ABHD2: variants seen among roughly 807,000 people sequenced by gnomAD.
The protein encoded by ABHD2 is monoacylglycerol lipase ABHD2.
Under a neutral mutation model 48.1 loss-of-function variants are expected in ABHD2, and 20 were observed. That is an observed-to-expected ratio of 0.42 (90% CI 0.29 to 0.60). ABHD2 has a LOEUF of 0.60. ABHD2 is among the 20% of genes least tolerant of loss of function. The probability of loss-of-function intolerance (pLI) is 0.24; values close to 1 mark genes in which losing one functional copy is unlikely to be tolerated. For synonymous variants in ABHD2, 209 were observed against 214.2 expected (o/e 0.98, Z 0.21); for missense variants, 405 against 550.9 (o/e 0.74, Z 2.65).
At chr15:89,072,066 A>AT in the ABHD2 span, among the ~76,000 whole-genome samples, 2 of 152,220 alleles carry the variant, frequency 1.3e-5, no homozygotes, top group Middle Eastern at 3.4e-3. Context: ...TCACACTTTT[A>AT]TTTTTTTCCT....
intron 5 of ABHD2, among the ~76,000 whole-genome samples, chr15:89,170,327 A>C (rs932683690): frequency 2.0e-5 from 3 of 150,922 alleles, no homozygotes; most frequent in Non-Finnish European, 4.4e-5. Context: ...GAACTCCTGA[A>C]CTCAAATGAT....
chr15:89,063,231 G>C, the ABHD2 span, among the ~76,000 whole-genome samples: 11 of 151,342 alleles, frequency 7.3e-5, no homozygotes, highest in Admixed American at 7.2e-4. Context: ...GCCTCCTAAA[G>C]TGTTGGGATT....
Position 89,195,557 on chromosome 15 carries a change from C to A in ABHD2, c.*134C>A. The A allele has an allele frequency of 1.1e-6, 1 of 928,472 alleles. No homozygotes were observed. The highest frequency in any genetic ancestry group is 1.6e-6 in the Non-Finnish European group (1 of 639,662). 57.5% of individuals were successfully genotyped at this position (928,472 alleles called of 1,614,324 possible). ...CCATCAGCAGGGGGCACCCACCATG[C>A]ACACCTGTCTCGGAGTAGGCAGCTC... On this transcript the variant is annotated 3_prime_UTR_variant, in exon 11 of 11. Transcript: ENST00000352732. This position sits in a 1 kb window ranked among gnomAD's most constrained non-coding sequence, Gnocchi z 5.1.
intron 1 of ABHD2, among the ~76,000 whole-genome samples, chr15:89,101,261 G>A (rs2049696391): frequency 6.6e-6 from 1 of 152,182 alleles, no homozygotes; most frequent in Admixed American, 6.5e-5. Flanking sequence ...AAAGAAATAT[G>A]CCTTGGGACA....
the ABHD2 span, among the ~76,000 whole-genome samples, chr15:89,056,227 C>T: frequency 5.9e-5 from 9 of 152,128 alleles, no homozygotes; most frequent in South Asian, 4.1e-4. Context: ...TGTAACTATT[C>T]GTATCTTCCT....
chr15:89,185,375 G>A lies in ABHD2; in HGVS notation c.723-49G>A, dbSNP rs775442672. The A allele has an allele frequency of 3.3e-6, 5 of 1,535,722 alleles. No homozygotes were observed. The highest frequency in any genetic ancestry group is 1.7e-4 in the Middle Eastern group (1 of 5,850). ...GGCTAGAGCCCCCTCCTGGCTGCCCGCCTGCACCCCCACACCGCAGTCACC... is the reference window on the plus strand; with the variant it reads ...GGCTAGAGCCCCCTCCTGGCTGCCCACCTGCACCCCCACACCGCAGTCACC... On this transcript the variant is annotated intron_variant, in intron 6 of 10. Transcript: ENST00000352732. This position sits in a 1 kb window ranked among gnomAD's most constrained non-coding sequence, Gnocchi z 5.9.
chr15:89,110,281 T>C (rs1257707994), intron 1 of ABHD2, among the ~76,000 whole-genome samples: 1 of 152,160 alleles, frequency 6.6e-6, no homozygotes, highest in Non-Finnish European at 1.5e-5. Flanking sequence ...AGGCTCATCT[T>C]GAACTCCTGG....
the ABHD2 span, among the ~76,000 whole-genome samples, chr15:89,072,270 T>G: frequency 1.3e-5 from 2 of 151,956 alleles, no homozygotes; most frequent in African/African-American, 2.4e-5. Flanking sequence ...GAGGTCAGGA[T>G]TTTGAGACCA....
In ABHD2 at chr15:89,116,639, C is replaced by T. The variant is rs1446530072; in HGVS notation, c.194+118C>T. Reference sequence around the variant, plus strand: ...AAGGCATCAATGGGATATGACGTCACTGGTGTTAAAATAGCCACAGTCTGA... The same window carrying T: ...AAGGCATCAATGGGATATGACGTCATTGGTGTTAAAATAGCCACAGTCTGA... On this transcript the variant is annotated intron_variant, in intron 3 of 10. Coordinates refer to ENST00000352732, the MANE Select transcript of ABHD2 (RefSeq NM_152924.5). The surrounding 1 kb of genome is among the most constrained non-coding windows in gnomAD (Gnocchi z 4.6). 2.7e-6 allele frequency: 3 copies of T among 1,115,040 alleles called. No individual in the cohort carries two copies. The highest frequency in any genetic ancestry group is 3.1e-5 in the African/African-American group (2 of 63,778). The allele number at this position is 1,115,040 out of a possible 1,614,324, so 69.1% of individuals were successfully genotyped here.
chr15:89,095,767 G>C (rs1365352514), intron 1 of ABHD2, among the ~76,000 whole-genome samples: 1 of 152,202 alleles, frequency 6.6e-6, no homozygotes, highest in Admixed American at 6.5e-5. Flanking sequence ...GGCTGAGGAT[G>C]TGTCCTTGAG....
At position 89,133,353 on chromosome 15, in the gene ABHD2, T is replaced by G. The variant is rs545217825; in HGVS notation, c.194+16832T>G. 2.0e-5 allele frequency among the ~76,000 whole-genome samples: 3 copies of G among 152,350 alleles called. No individual in the cohort carries two copies. In the East Asian group the frequency reaches 5.8e-4, roughly 29 times the overall value. On this transcript the variant is annotated intron_variant, in intron 3 of 10. Coordinates refer to ENST00000352732, the MANE Select transcript of ABHD2 (RefSeq NM_152924.5). ...GCTTTCACAATGTTGCATTGAATGC[T>G]TCTGTATTTTCATCACGATGCGCAC...
At chr15:89,190,907 A>G (rs541904177) in intron 8 of ABHD2, among the ~76,000 whole-genome samples, 173 bp from the exon 9 acceptor site, 147 of 152,332 alleles carry the variant, frequency 9.6e-4, no homozygotes, top group African/African-American at 3.3e-3. Flanking sequence ...TTAGTGCAGG[A>G]TCTGGAACAG....
chr15:89,071,302 T>C, the ABHD2 span, among the ~76,000 whole-genome samples: 1 of 151,980 alleles, frequency 6.6e-6, no homozygotes, highest in Non-Finnish European at 1.5e-5. Context: ...GCGCCTATAA[T>C]CCCAGCTACT....
chr15:89,150,895 G>C (rs1485442984), intron 3 of ABHD2, among the ~76,000 whole-genome samples: 1 of 152,202 alleles, frequency 6.6e-6, no homozygotes. Context: ...TTGTACTGTG[G>C]TTGTAAACCA....
At chr15:89,071,831 C>T in the ABHD2 span, among the ~76,000 whole-genome samples, 3,556 of 152,258 alleles carry the variant, frequency 0.023, 66 homozygotes, top group Non-Finnish European at 0.031. Context: ...CAATACTGGA[C>T]GATTATAATG....
At chr15:89,054,071 C>T in the ABHD2 span, among the ~76,000 whole-genome samples, 6 of 152,174 alleles carry the variant, frequency 3.9e-5, no homozygotes, top group Admixed American at 2.6e-4. Flanking sequence ...CCTGTAATCC[C>T]AGCACTTTGG....
chr15:89,145,922 C>T (rs1416373697), intron 3 of ABHD2, among the ~76,000 whole-genome samples: 1 of 152,194 alleles, frequency 6.6e-6, no homozygotes. Flanking sequence ...CTTCTGTGTA[C>T]TCCTTTCTTA....
chr15:89,062,785 C>G, the ABHD2 span, among the ~76,000 whole-genome samples: 1 of 152,042 alleles, frequency 6.6e-6, no homozygotes, highest in East Asian at 1.9e-4. Flanking sequence ...AGAAGCTGTT[C>G]GATTATCACA....
intron 6 of ABHD2, among the ~76,000 whole-genome samples, chr15:89,178,362 G>T (rs796683692): frequency 3.9e-5 from 6 of 152,292 alleles, no homozygotes; most frequent in African/African-American, 1.4e-4. Context: ...GCTTGAGGGC[G>T]ATGAGCCTTT....
Sources: allele counts gnomAD v4.1 joint callset (sites outside exome capture counted in the v4.1 genomes callset), GRCh38; gene constraint gnomAD v4.1.1; non-coding constraint Gnocchi (gnomAD v3.1); transcripts MANE v1.5; gene names NCBI Gene and HGNC (gene_info 2026-07-23, HGNC 2026-07-21).